The following COL11A1 variants were observed in gnomAD, a reference collection of about 807,000 sequenced individuals.
COL11A1 encodes the protein collagen alpha-1(XI) chain.
COL11A1 carries 74 observed loss-of-function variants against 265.2 expected under a neutral mutation model. The ratio of observed to expected loss-of-function variants is 0.28; its 90% CI spans 0.23 to 0.34. COL11A1 has a LOEUF of 0.34. COL11A1 is among the 10% of genes least tolerant of loss of function. The pLI is 1.00. For synonymous variants in COL11A1, 816 were observed against 727.6 expected (o/e 1.12, Z -1.96); for missense variants, 2,165 against 2,263.6 (o/e 0.96, Z 0.88).
intron 15 of COL11A1, among the ~76,000 whole-genome samples, chr1:103,007,970 T>C (rs1665778128): frequency 6.6e-6 from 1 of 150,776 alleles, no homozygotes; most frequent in Admixed American, 6.6e-5. Context: ...GGGCCAACAA[T>C]AACAGTACAA....
At chr1:103,026,026 GA>G (rs1159698763) in intron 6 of COL11A1, 189 bp downstream of exon 6, 29 of 1,485,334 alleles carry the variant, frequency 2.0e-5, no homozygotes, top group Non-Finnish European at 2.5e-5. Flanking sequence ...CAGATGAAAG[GA>G]AGGCTAAGCA....
chr1:103,033,590 A>G (rs1464469628), intron 4 of COL11A1, among the ~76,000 whole-genome samples: 1 of 152,118 alleles, frequency 6.6e-6, no homozygotes, highest in East Asian at 1.9e-4. Flanking sequence ...ACAGTTTTAT[A>G]ATTATTGTTT....
chr1:103,105,197 C>T (rs886632315), intron 1 of COL11A1, among the ~76,000 whole-genome samples: 6 of 151,802 alleles, frequency 4.0e-5, no homozygotes, highest in Admixed American at 6.6e-5. Context: ...CAGGTAAACC[C>T]CACCTCCTGT....
chr1:103,026,150 A>G (rs1463910931), intron 6 of COL11A1, 66 bp downstream of exon 6: 3 of 1,261,420 alleles, frequency 2.4e-6, no homozygotes, highest in Non-Finnish European at 1.2e-6. Context: ...AGGAACAGTC[A>G]ACATAAGGAA....
At chr1:102,900,993 G>A (rs1314486618) in intron 54 of COL11A1, among the ~76,000 whole-genome samples, 1 of 152,100 alleles carries the variant, frequency 6.6e-6, no homozygotes, top group Non-Finnish European at 1.5e-5. Flanking sequence ...TTAAGGTCAT[G>A]AGGGCTCATG....
At chr1:102,904,977 T>C (rs1653738357) in intron 54 of COL11A1, among the ~76,000 whole-genome samples, 2 of 151,996 alleles carry the variant, frequency 1.3e-5, no homozygotes, top group Non-Finnish European at 2.9e-5. Flanking sequence ...CCAACCTAAA[T>C]GTCTGACAAC....
chr1:102,945,926 C>T (rs893123718), intron 42 of COL11A1, among the ~76,000 whole-genome samples: 2 of 150,214 alleles, frequency 1.3e-5, no homozygotes, highest in Non-Finnish European at 3.0e-5. Flanking sequence ...TGGAACCAAC[C>T]CAAATGTCCA....
chr1:102,949,155 G>A (rs1201981885), intron 41 of COL11A1, among the ~76,000 whole-genome samples: 1 of 151,976 alleles, frequency 6.6e-6, no homozygotes, highest in Non-Finnish European at 1.5e-5. Context: ...TGCAACTAGG[G>A]TTATTCTACT....
chr1:102,910,882 T>A (rs911034501), intron 54 of COL11A1, among the ~76,000 whole-genome samples: 10 of 125,476 alleles, frequency 8.0e-5, no homozygotes, highest in South Asian at 4.6e-4. Context: ...AGAAAAAAGA[T>A]AAAAAAAATG....
intron 30 of COL11A1, among the ~76,000 whole-genome samples, chr1:102,986,492 A>G (rs904380211): frequency 1.4e-4 from 22 of 151,980 alleles, no homozygotes; most frequent in African/African-American, 5.3e-4. Flanking sequence ...CAGCACACCA[A>G]CATGGCACAT....
intron 44 of COL11A1, among the ~76,000 whole-genome samples, chr1:102,935,750 A>T (rs1658071617): frequency 6.6e-6 from 1 of 152,328 alleles, no homozygotes; most frequent in Middle Eastern, 3.4e-3. Flanking sequence ...GCATTAAAGA[A>T]ATAAAACTGT....
intron 49 of COL11A1, 108 bp downstream of exon 49, chr1:102,920,203 T>C: frequency 1.0e-6 from 1 of 998,670 alleles, no homozygotes; most frequent in Non-Finnish European, 1.6e-6. Context: ...CATATAACTA[T>C]GTAAAAGGCT....
At chr1:102,976,183 T>C (rs1426983777) in intron 35 of COL11A1, among the ~76,000 whole-genome samples, 1 of 151,682 alleles carries the variant, frequency 6.6e-6, no homozygotes, top group Non-Finnish European at 1.5e-5. Context: ...GCCTTTCAAA[T>C]GCAATTTGAA....
intron 54 of COL11A1, 43 bp downstream of exon 54, chr1:102,912,116 A>T (rs752349226): frequency 6.8e-7 from 1 of 1,475,184 alleles, no homozygotes; most frequent in South Asian, 1.2e-5. Flanking sequence ...ATCCATGGTG[A>T]CTAATGAGCA....
In COL11A1 at chr1:102,970,253, C is replaced by T. The variant is rs1338828664; in HGVS notation, c.2828G>A (p.Gly943Glu). Residue 943 changes from glycine to glutamate, a missense_variant, in exon 37 of 67, where the codon GGG (glycine) becomes GAG (glutamate). Gly to Glu is a moderately conservative substitution (Grantham distance 98). Transcript: ENST00000370096. ...KGPPGPPGKDGLPGHPGQRGE... is the reference protein window; with the variant it reads ...KGPPGPPGKDELPGHPGQRGE... ...ACGTTGCCCAGGGTGTCCTGGCAGC[C>T]CATCCTTCCCAGGTGGTCCCTGAAA... The T allele has an allele frequency of 3.1e-6, 5 of 1,611,656 alleles. No individual in the cohort carries two copies. Among genetic ancestry groups the T allele is most frequent in the Non-Finnish European group, 4.2e-6 (5 of 1,178,494 alleles).
chr1:102,965,363 A>G (rs1661309298), intron 38 of COL11A1, 124 bp downstream of exon 38: 2 of 990,744 alleles, frequency 2.0e-6, no homozygotes, highest in Non-Finnish European at 1.6e-6. Context: ...ATTTAAATGC[A>G]ATCTGAAATA....
chr1:103,067,451 A>C (rs987517032), intron 4 of COL11A1, among the ~76,000 whole-genome samples: 10 of 151,904 alleles, frequency 6.6e-5, no homozygotes, highest in Admixed American at 3.9e-4. Flanking sequence ...ATCAAAAATG[A>C]CATAGTAAAA....
intron 54 of COL11A1, among the ~76,000 whole-genome samples, chr1:102,910,905 T>TC (rs1314827543): frequency 6.6e-6 from 1 of 152,128 alleles, no homozygotes; most frequent in Non-Finnish European, 1.5e-5. Flanking sequence ...TTCCTGTTGT[T>TC]CCAAGAAGTA....
intron 57 of COL11A1, among the ~76,000 whole-genome samples, chr1:102,895,620 T>A (rs1652332048): frequency 6.6e-6 from 1 of 152,054 alleles, no homozygotes; most frequent in Non-Finnish European, 1.5e-5. Flanking sequence ...TCACACAGAT[T>A]AATTTCAGAG....
Sources: allele counts gnomAD v4.1 joint callset (sites outside exome capture counted in the v4.1 genomes callset), GRCh38; gene constraint gnomAD v4.1.1; transcripts MANE v1.5; gene names NCBI Gene and HGNC (gene_info 2026-07-23, HGNC 2026-07-21).